TCF12: variants seen among roughly 807,000 people sequenced by gnomAD.
The protein encoded by TCF12 is transcription factor 12, also known as DNA-binding protein HTF4.
Under a neutral mutation model 86.0 loss-of-function variants are expected in TCF12, and 45 were observed. That is an observed-to-expected ratio of 0.52 (90% CI 0.41 to 0.67). TCF12 has a LOEUF of 0.67. Ranked by LOEUF, TCF12 falls within the 30% of genes least tolerant of loss-of-function variation. TCF12 has a pLI of 0.00. For missense variants in TCF12, 881 were observed against 859.9 expected (o/e 1.02, Z -0.31); for synonymous variants, 330 against 299.6 (o/e 1.10, Z -1.05).
At chr15:57,048,559 C>A (rs1187627027) in intron 3 of TCF12, among the ~76,000 whole-genome samples, 2 of 152,158 alleles carry the variant, frequency 1.3e-5, no homozygotes, top group Non-Finnish European at 2.9e-5. Flanking sequence ...CTGCACCCAG[C>A]CTCCTCCACT....
intron 3 of TCF12, among the ~76,000 whole-genome samples, chr15:57,036,414 T>C (rs1270432265): frequency 6.6e-6 from 1 of 152,176 alleles, no homozygotes; most frequent in African/African-American, 2.4e-5. Flanking sequence ...CTCTAAGATT[T>C]TGAGAAACTG....
At chr15:57,148,701 CAAAAAAAAA>C (rs61526953) in intron 5 of TCF12, among the ~76,000 whole-genome samples, 2 of 124,388 alleles carry the variant, frequency 1.6e-5, no homozygotes, top group African/African-American at 3.0e-5. Flanking sequence ...GGTGACGTGG[CAAAAAAAAA>C]AAAAAAAAAT....
intron 16 of TCF12, among the ~76,000 whole-genome samples, chr15:57,253,793 A>G (rs1271268596): frequency 2.0e-5 from 3 of 152,228 alleles, no homozygotes; most frequent in African/African-American, 7.2e-5. Flanking sequence ...GTTCTGATCT[A>G]GAAAAGTTGT....
chr15:57,153,070 A>G (rs555489282), intron 5 of TCF12, among the ~76,000 whole-genome samples: 6 of 152,346 alleles, frequency 3.9e-5, no homozygotes, highest in South Asian at 2.1e-4. Context: ...AACTGTGTCA[A>G]CCCGGAATTA....
At chr15:57,126,585 G>C (rs1307229213) in intron 5 of TCF12, among the ~76,000 whole-genome samples, 1 of 152,136 alleles carries the variant, frequency 6.6e-6, no homozygotes, top group Non-Finnish European at 1.5e-5. Context: ...AGTTAAATAT[G>C]TTTCTCTGAT....
At chr15:57,284,966 T>A (rs1412079238) in intron 20 of TCF12, among the ~76,000 whole-genome samples, 1 of 152,272 alleles carries the variant, frequency 6.6e-6, no homozygotes, top group Non-Finnish European at 1.5e-5. Context: ...TCTTTTAAGT[T>A]TAAAAAGGCA....
At chr15:56,920,039 T>C in intron 2 of TCF12, 51 bp downstream of exon 2, 1 of 1,603,010 alleles carries the variant, frequency 6.2e-7, no homozygotes, top group Admixed American at 1.7e-5. Context: ...TTTTTGTTTG[T>C]TTGTTTGTTT....
At chr15:57,052,369 C>T (rs1008030442) in intron 3 of TCF12, among the ~76,000 whole-genome samples, 2 of 151,904 alleles carry the variant, frequency 1.3e-5, no homozygotes, top group Non-Finnish European at 2.9e-5. Flanking sequence ...ATAGCTAGGC[C>T]GGGCGTGGTG....
At chr15:57,271,000 T>A (rs966072848) in intron 18 of TCF12, among the ~76,000 whole-genome samples, 6 of 152,156 alleles carry the variant, frequency 3.9e-5, no homozygotes, top group African/African-American at 1.4e-4. Flanking sequence ...GGGAGGTGTC[T>A]CCCAGTCAGG....
intron 3 of TCF12, among the ~76,000 whole-genome samples, chr15:56,935,473 T>TAA (rs1242103208): frequency 2.6e-5 from 4 of 152,036 alleles, no homozygotes; most frequent in Non-Finnish European, 5.9e-5. Context: ...TCTCTTTTTT[T>TAA]AAAAAAATTT....
At chr15:57,049,170 TC>T (rs1378373175) in intron 3 of TCF12, among the ~76,000 whole-genome samples, 1 of 152,212 alleles carries the variant, frequency 6.6e-6, no homozygotes, top group African/African-American at 2.4e-5. Flanking sequence ...TCATCCCAGC[TC>T]CAGAACTTCC....
In TCF12 at chr15:57,171,577, A is replaced by G. The variant is rs559446693; in HGVS notation, c.390+5111A>G. 2.2e-4 allele frequency among the ~76,000 whole-genome samples: 33 copies of G among 152,346 alleles called. 1 individual carries two copies. The South Asian group carries it at 6.6e-3, about 31-fold the overall frequency. ...TTAATGTACATAAAATGCTGCTGAC[A>G]TACTGCAAAATTCAGACTAATTTAA... On this transcript the variant is annotated intron_variant, in intron 6 of 20. Transcript: ENST00000333725.
intron 16 of TCF12, among the ~76,000 whole-genome samples, chr15:57,260,000 T>C (rs1408466525): frequency 6.6e-6 from 1 of 152,230 alleles, no homozygotes; most frequent in East Asian, 1.9e-4. Flanking sequence ...GCTAACTTCA[T>C]TGACATGAAA....
At chr15:57,047,544 A>C (rs184383627) in intron 3 of TCF12, among the ~76,000 whole-genome samples, 13 of 152,342 alleles carry the variant, frequency 8.5e-5, no homozygotes, top group African/African-American at 2.9e-4. Context: ...ACTTATGGAG[A>C]TCTCTGCCTT....
intron 3 of TCF12, among the ~76,000 whole-genome samples, chr15:56,999,945 C>T (rs1688982308): frequency 6.6e-6 from 1 of 152,122 alleles, no homozygotes; most frequent in Non-Finnish European, 1.5e-5. Context: ...AAGTGATCCA[C>T]CCACCTCAGC....
chr15:57,134,755 A>G (rs1318148897), intron 5 of TCF12, among the ~76,000 whole-genome samples: 1 of 152,094 alleles, frequency 6.6e-6, no homozygotes, highest in Admixed American at 6.6e-5. Context: ...TGATGCCATT[A>G]ATTTTTTTTT....
intron 3 of TCF12, among the ~76,000 whole-genome samples, chr15:57,001,948 G>A (rs879212057): frequency 1.8e-4 from 27 of 152,158 alleles, no homozygotes; most frequent in Admixed American, 1.2e-3. Context: ...ATAACTGTCC[G>A]GATTGAAGGA....
At chr15:57,208,131 T>A (rs982396865) in intron 8 of TCF12, among the ~76,000 whole-genome samples, 3 of 151,474 alleles carry the variant, frequency 2.0e-5, no homozygotes, top group African/African-American at 7.3e-5. Context: ...CCTCCCGGGT[T>A]CAAGCAAATC....
intron 8 of TCF12, among the ~76,000 whole-genome samples, chr15:57,202,999 A>C (rs1293880542): frequency 2.0e-5 from 3 of 152,238 alleles, no homozygotes; most frequent in Non-Finnish European, 4.4e-5. Context: ...AAACAAAAAA[A>C]AGTTTGAAGA....
Sources: gnomAD v4.1 joint callset for allele counts (sites outside exome capture counted in the v4.1 genomes callset) on GRCh38, gnomAD v4.1.1 for gene constraint, MANE v1.5 for transcripts, NCBI Gene and HGNC (gene_info 2026-07-23, HGNC 2026-07-21) for gene names.